Variants in WNT7A observed in about 807,000 individuals in gnomAD.
WNT7A encodes Wnt family member 7A, also known as protein Wnt-7a.
Under a neutral mutation model 28.2 loss-of-function variants are expected in WNT7A, and 16 were observed. The observed-to-expected ratio is 0.57, with a 90% CI of 0.38 to 0.86. The LOEUF (loss-of-function observed/expected upper bound fraction) is 0.86. WNT7A is among the 40% of genes least tolerant of loss of function. WNT7A has a pLI of 0.00. For synonymous variants in WNT7A, 190 were observed against 195.9 expected (o/e 0.97, Z 0.25); for missense variants, 411 against 489.7 (o/e 0.84, Z 1.52).
At chr3:13,834,500 AG>A (rs769374585) in intron 3 of WNT7A, among the ~76,000 whole-genome samples, 15 of 151,768 alleles carry the variant, frequency 9.9e-5, no homozygotes, top group Non-Finnish European at 2.1e-4. Flanking sequence ...TCTGTCCTCC[AG>A]GCATCCCCTG....
chr3:13,866,931 G>A (rs985839234), intron 2 of WNT7A, among the ~76,000 whole-genome samples: 2 of 152,182 alleles, frequency 1.3e-5, no homozygotes, highest in Non-Finnish European at 2.9e-5. Context: ...GAATCAGGAG[G>A]TGGTGGTGAA....
chr3:13,833,215 T>G (rs1363332726), intron 3 of WNT7A, among the ~76,000 whole-genome samples: 1 of 151,862 alleles, frequency 6.6e-6, no homozygotes, highest in East Asian at 1.9e-4. Flanking sequence ...AAGCACACAC[T>G]CTTACGCCTG....
chr3:13,828,120 C>T (rs1000442838), intron 3 of WNT7A, among the ~76,000 whole-genome samples: 1 of 152,198 alleles, frequency 6.6e-6, no homozygotes, highest in Admixed American at 6.5e-5. Flanking sequence ...CTGGTCATTG[C>T]TAAGGATGGG....
rs76948489 is a variant in WNT7A at position 13,875,880 on chromosome 3, G to A, written c.72-707C>T. 1,463 of 153,324 alleles carry A rather than the reference G, an allele frequency of 9.5e-3. 60 individuals carry two copies. In the East Asian group the frequency reaches 0.14, roughly 14 times the overall value. The allele number at this position is 153,324 out of a possible 1,614,324, so 9.5% of individuals were successfully genotyped here. ...CCTCAACTATTCACTGATATATATC[G>A]GATACCCATCATGTGCCACGTACCA... On this transcript the variant is annotated intron_variant, in intron 1 of 3. Coordinates refer to ENST00000285018, the MANE Select transcript of WNT7A (RefSeq NM_004625.4).
chr3:13,820,422 CT>C (rs1694088785), intron 3 of WNT7A, among the ~76,000 whole-genome samples: 1 of 149,306 alleles, frequency 6.7e-6, no homozygotes, highest in Non-Finnish European at 1.5e-5. Flanking sequence ...AAAAAAAAGC[CT>C]TGAGGCTAAA....
At chr3:13,850,132 C>G (rs1407710520) in intron 3 of WNT7A, among the ~76,000 whole-genome samples, 1 of 152,266 alleles carries the variant, frequency 6.6e-6, no homozygotes, top group African/African-American at 2.4e-5. Flanking sequence ...AGAACCCACA[C>G]CTGTGCCCAG....
In WNT7A at chr3:13,816,395, C is replaced by A. The variant is rs2163910; in HGVS notation, c.*2549G>T. On this transcript the variant is annotated 3_prime_UTR_variant, in exon 4 of 4. Coordinates refer to ENST00000285018, the MANE Select transcript of WNT7A (RefSeq NM_004625.4). Reference sequence around the variant, plus strand: ...TCAGAGCACAGCTGAACAGGGCACCCGAGAGAGGGCAGGCCCCAGAGCTGG... The same window carrying A: ...TCAGAGCACAGCTGAACAGGGCACCAGAGAGAGGGCAGGCCCCAGAGCTGG... 21,723 of 152,220 alleles carry A rather than the reference C, an allele frequency of 0.14. 2,446 individuals carry two copies. Among genetic ancestry groups the A allele is most frequent in the East Asian group, 0.63 (3,244 of 5,178 alleles). The allele number at this position is 152,220 out of a possible 1,614,324, so 9.4% of individuals were successfully genotyped here.
At chr3:13,869,805 G>A (rs904411499) in intron 2 of WNT7A, among the ~76,000 whole-genome samples, 1 of 152,160 alleles carries the variant, frequency 6.6e-6, no homozygotes, top group Non-Finnish European at 1.5e-5. Flanking sequence ...GTAGCAGTTG[G>A]TCAAACTGAT....
At chr3:13,858,631 T>C (rs1470311304) in intron 2 of WNT7A, among the ~76,000 whole-genome samples, 1 of 152,086 alleles carries the variant, frequency 6.6e-6, no homozygotes, top group Non-Finnish European at 1.5e-5. Context: ...TCTCATCAAG[T>C]GCCATGGCCT....
chr3:13,847,154 C>G (rs1159096118), intron 3 of WNT7A, among the ~76,000 whole-genome samples: 2 of 152,226 alleles, frequency 1.3e-5, no homozygotes, highest in African/African-American at 4.8e-5. Flanking sequence ...GCCTCGTGGG[C>G]ACCCTCCGCC....
At chr3:13,864,962 G>A (rs1292180530) in intron 2 of WNT7A, among the ~76,000 whole-genome samples, 1 of 152,230 alleles carries the variant, frequency 6.6e-6, no homozygotes, top group Non-Finnish European at 1.5e-5. Flanking sequence ...AAGCGAGGAT[G>A]TGCCTCTTCT....
At chr3:13,870,960 C>T (rs1028538117) in intron 2 of WNT7A, among the ~76,000 whole-genome samples, 11 of 152,214 alleles carry the variant, frequency 7.2e-5, no homozygotes, top group African/African-American at 2.7e-4. Context: ...CTGCCCATTG[C>T]TGCCTCTCAG....
At chr3:13,854,930 G>T (rs549088952) in intron 2 of WNT7A, 127 bp from the exon 3 acceptor site, 5 of 1,273,590 alleles carry the variant, frequency 3.9e-6, no homozygotes, top group East Asian at 4.9e-5. Context: ...CTGAGTACCC[G>T]TTCCTAACTT....
intron 3 of WNT7A, among the ~76,000 whole-genome samples, chr3:13,837,856 C>A (rs1000538574): frequency 6.6e-6 from 1 of 152,192 alleles, no homozygotes; most frequent in African/African-American, 2.4e-5. Flanking sequence ...ACTTCCCATC[C>A]CAGACAGGAG....
chr3:13,851,230 C>A (rs1389577196), intron 3 of WNT7A, among the ~76,000 whole-genome samples: 8 of 152,222 alleles, frequency 5.3e-5, no homozygotes, highest in African/African-American at 1.9e-4. Context: ...CACTGCCCCA[C>A]CAAAGCCTCT....
chr3:13,869,023 AG>A (rs1694982016), intron 2 of WNT7A, among the ~76,000 whole-genome samples: 1 of 144,952 alleles, frequency 6.9e-6, no homozygotes, highest in African/African-American at 2.6e-5. Context: ...AGAGAGAAAG[AG>A]AGAAAGTGAG....
chr3:13,870,764 C>T (rs1316852305), intron 2 of WNT7A, among the ~76,000 whole-genome samples: 1 of 152,246 alleles, frequency 6.6e-6, no homozygotes, highest in Non-Finnish European at 1.5e-5. Flanking sequence ...CAAAGGCCGT[C>T]CCGCTGCCCC....
chr3:13,878,269 G>C (rs1347074684), intron 1 of WNT7A, among the ~76,000 whole-genome samples: 2 of 152,092 alleles, frequency 1.3e-5, no homozygotes, highest in Non-Finnish European at 2.9e-5. Context: ...CCCGCCACCC[G>C]TGTCCCTCCT....
chr3:13,827,456 G>A (rs1323277205), intron 3 of WNT7A, among the ~76,000 whole-genome samples: 7 of 152,222 alleles, frequency 4.6e-5, no homozygotes, highest in Non-Finnish European at 1.5e-5. Context: ...TGTACCAGGT[G>A]CTGCCCAGAG....
Sources: allele counts gnomAD v4.1 joint callset (sites outside exome capture counted in the v4.1 genomes callset), GRCh38; gene constraint gnomAD v4.1.1; transcripts MANE v1.5; gene names NCBI Gene and HGNC (gene_info 2026-07-23, HGNC 2026-07-21).